The following RNF213 variants were observed in gnomAD, a reference collection of about 807,000 sequenced individuals.
The protein encoded by RNF213 is ring finger protein 213.
A neutral mutation model predicts 514.4 loss-of-function variants in RNF213; 341 were observed. That is an observed-to-expected ratio of 0.66 (90% CI 0.61 to 0.73). RNF213 has a LOEUF of 0.73. Among genes scored for constraint, RNF213 ranks in the 30% least tolerant of loss-of-function variants. The pLI is 0.00. For missense variants in RNF213, 5,767 were observed against 6,615.6 expected (o/e 0.87, Z 4.45); for synonymous variants, 2,655 against 2,658.2 (o/e 1.00, Z 0.04).
intron 28 of RNF213, among the ~76,000 whole-genome samples, 182 bp downstream of exon 28, chr17:80,344,197 A>G (rs1169088297): frequency 2.0e-5 from 3 of 152,248 alleles, no homozygotes; most frequent in Admixed American, 2.0e-4. Context: ...TGTCTGGGAT[A>G]AAAGTACTCT....
intron 8 of RNF213, among the ~76,000 whole-genome samples, chr17:80,292,337 G>A (rs917045104): frequency 3.9e-5 from 6 of 152,084 alleles, no homozygotes; most frequent in African/African-American, 1.4e-4. Flanking sequence ...CGAAGTGTTG[G>A]GATTACAGGT....
intron 10 of RNF213, among the ~76,000 whole-genome samples, chr17:80,297,940 C>CT (rs1295551139): frequency 6.6e-6 from 1 of 152,200 alleles, no homozygotes; most frequent in Non-Finnish European, 1.5e-5. Flanking sequence ...GAGTGAGACT[C>CT]TGTCTCTAAA....
intron 51 of RNF213, 63 bp downstream of exon 51, chr17:80,375,933 G>A: frequency 8.3e-7 from 1 of 1,198,090 alleles, no homozygotes; most frequent in Non-Finnish European, 1.2e-6. Context: ...TTATTGAATA[G>A]AATGAAAGTT....
At chr17:80,369,937 C>T (rs1057004002) in intron 46 of RNF213, 70 bp downstream of exon 46, 4 of 1,094,312 alleles carry the variant, frequency 3.7e-6, no homozygotes, top group South Asian at 2.5e-5. Flanking sequence ...GTTTTGTTAC[C>T]AAGTCTTCTT....
At chr17:80,277,147 T>C (rs1034989511) in intron 3 of RNF213, among the ~76,000 whole-genome samples, 7 of 151,794 alleles carry the variant, frequency 4.6e-5, no homozygotes, top group African/African-American at 1.7e-4. Context: ...ACATGCTAAA[T>C]GAAAGAAGCC....
intron 56 of RNF213, 102 bp from the exon 57 acceptor site, chr17:80,381,445 C>T (rs905320955): frequency 1.5e-5 from 19 of 1,268,530 alleles, no homozygotes; most frequent in East Asian, 2.3e-5. Flanking sequence ...AACCGCCTTC[C>T]GACTCTATGC....
chr17:80,354,310 ATC>A, intron 35 of RNF213, 129 bp from the exon 36 acceptor site: 1 of 1,500,230 alleles, frequency 6.7e-7, no homozygotes, highest in Non-Finnish European at 9.2e-7. Context: ...ATCTAAGAGC[ATC>A]TCTCAGATTT....
At chr17:80,298,246 G>A in intron 10 of RNF213, 75 bp from the exon 11 acceptor site, 2 of 1,488,028 alleles carry the variant, frequency 1.3e-6, no homozygotes, top group East Asian at 2.3e-5. Flanking sequence ...CTTGCTTCCT[G>A]TTGGGACTCC....
intron 22 of RNF213, 105 bp from the exon 23 acceptor site, chr17:80,336,056 T>G (rs1234670800): frequency 2.2e-6 from 2 of 896,820 alleles, no homozygotes; most frequent in Admixed American, 4.9e-5. Flanking sequence ...ACCTTAAAAA[T>G]TCATGAAATA....
In RNF213 at chr17:80,377,045, TG is replaced by T; in HGVS notation, c.13510+86del. 5.3e-6 allele frequency: 6 copies of T among 1,134,438 alleles called. No individual in the cohort carries two copies. The highest frequency in any genetic ancestry group is 7.9e-6 in the Non-Finnish European group (6 of 762,610). The allele number at this position is 1,134,438 out of a possible 1,614,324, so 70.3% of individuals were successfully genotyped here. ...ATGCTATGAAGCATTGGGTTCGACT[TG>T]GGGTCCACGTGGTTTGTGCCTCAGG... is the stretch of plus-strand genomic sequence containing the variant. On this transcript the variant is annotated intron_variant, in intron 53 of 67. Coordinates refer to ENST00000582970, the MANE Select transcript of RNF213 (RefSeq NM_001256071.3). The surrounding 1 kb of genome is among the most constrained non-coding windows in gnomAD (Gnocchi z 4.1).
chr17:80,331,535 C>T (rs1402486968), intron 20 of RNF213, among the ~76,000 whole-genome samples: 4 of 151,798 alleles, frequency 2.6e-5, no homozygotes, highest in African/African-American at 4.8e-5. Flanking sequence ...ATTACAGGTG[C>T]GCTCCACCAC....
At chr17:80,389,801 C>G (rs956384556) in intron 65 of RNF213, 27 bp from the exon 66 acceptor site, 1 of 1,597,626 alleles carries the variant, frequency 6.3e-7, no homozygotes, top group Non-Finnish European at 8.6e-7. Flanking sequence ...CCTCAGCCCC[C>G]ACTCAGGAAT....
Position 80,363,613 on chromosome 17 carries a change from T to C in RNF213, c.11573T>C (p.Leu3858Pro), listed in dbSNP as rs1406504513. Residue 3858 changes from leucine (L) to proline (P), a missense_variant, in exon 41 of 68, where the codon CTG becomes CCG. By Grantham distance (98) the Leu-to-Pro change is moderately conservative. Coordinates refer to ENST00000582970, the MANE Select transcript of RNF213 (RefSeq NM_001256071.3). ...CCCTGCTGTCCGTCTCCCCAGACCC[T>C]GGACGCATTTGCCGCAATGGCCTGC... Reference protein sequence around the residue: ...NHELAGCEMTLDAFAAMACTE... With the variant: ...NHELAGCEMTPDAFAAMACTE... The C allele has an allele frequency of 6.2e-7, 1 of 1,613,540 alleles. No individual in the cohort carries two copies. Among genetic ancestry groups the C allele is most frequent in the Non-Finnish European group, 8.5e-7 (1 of 1,180,036 alleles).
intron 10 of RNF213, among the ~76,000 whole-genome samples, chr17:80,297,206 CT>C (rs2044985232): frequency 6.6e-6 from 1 of 151,630 alleles, no homozygotes; most frequent in Non-Finnish European, 1.5e-5. Flanking sequence ...AATCCCAGCA[CT>C]TTGGGAGGTC....
rs1415192743 is a variant in RNF213, at chr17:80,364,810, C to G, written c.11871+257C>G. The G allele has an allele frequency of 1.1e-5, 5 of 475,806 alleles. No individual in the cohort carries two copies. In the Middle Eastern group the frequency reaches 1.8e-3, roughly 169 times the overall value. 29.5% of individuals were successfully genotyped at this position (475,806 alleles called of 1,614,324 possible). A position where few individuals can be genotyped will look rare whatever the true frequency, so the allele number is the denominator to read the frequency against. ...TCCAGGAACTGTGTGCAGAAAGGGG[C>G]TGACGCAGGGAACATGCTTGTGAAA... On this transcript the variant is annotated intron_variant, in intron 42 of 67. Transcript: ENST00000582970.
chr17:80,278,918 G>T, intron 3 of RNF213: 1 of 1,537,070 alleles, frequency 6.5e-7, no homozygotes, highest in South Asian at 1.2e-5. Context: ...CAGGTAGTCC[G>T]AGTCAATAGT....
Position 80,369,869 on chromosome 17 carries a change from T to A in RNF213, c.12425+2T>A. On this transcript the variant is annotated splice_donor_variant, in intron 46 of 67. Coordinates refer to ENST00000582970, the MANE Select transcript of RNF213 (RefSeq NM_001256071.3). LOFTEE classifies it high-confidence loss of function. ...ACTGAAACTGCTTTTGAAGTACAGG[T>A]AAGAACAACATGGAGACTTGCTTCT... 6.3e-7 allele frequency: 1 copy of A among 1,590,134 alleles called. No homozygotes were observed. Among genetic ancestry groups the A allele is most frequent in the South Asian group, 1.1e-5 (1 of 90,578 alleles).
At chr17:80,379,766 G>A (rs753340878) in intron 55 of RNF213, 52 bp downstream of exon 55, 1 of 1,479,032 alleles carries the variant, frequency 6.8e-7, no homozygotes, top group South Asian at 1.1e-5. Flanking sequence ...GGGGTGTTGG[G>A]CTGTTTTTAT....
chr17:80,342,508 T>G (rs1478032971), intron 26 of RNF213, among the ~76,000 whole-genome samples: 5 of 151,528 alleles, frequency 3.3e-5, no homozygotes, highest in African/African-American at 1.2e-4. Context: ...ATTCTCTTAC[T>G]CTTTGTCCTA....
Sources: gnomAD v4.1 joint callset for allele counts (sites outside exome capture counted in the v4.1 genomes callset) on GRCh38, gnomAD v4.1.1 for gene constraint, Gnocchi (gnomAD v3.1) non-coding constraint, MANE v1.5 for transcripts, NCBI Gene and HGNC (gene_info 2026-07-23, HGNC 2026-07-21) for gene names.